The following CREM variants were observed in gnomAD, a reference collection of about 807,000 sequenced individuals.
CREM encodes cAMP responsive element modulator.
CREM carries 13 observed loss-of-function variants against 37.3 expected under a neutral mutation model. That is an observed-to-expected ratio of 0.35 (90% CI 0.23 to 0.55). The LOEUF (loss-of-function observed/expected upper bound fraction) is 0.55, where lower values mean the gene tolerates loss of function less well. Among genes scored for constraint, CREM ranks in the 20% least tolerant of loss-of-function variants. The pLI, the probability that CREM is intolerant of heterozygous loss-of-function variation, is 0.88. For missense variants in CREM, 296 were observed against 362.3 expected (o/e 0.82, Z 1.49); for synonymous variants, 124 against 120.2 (o/e 1.03, Z -0.21).
intron 1 of CREM, among the ~76,000 whole-genome samples, chr10:35,131,931 A>G (rs533567668): frequency 6.6e-6 from 1 of 152,146 alleles, no homozygotes; most frequent in African/African-American, 2.4e-5. Flanking sequence ...TTGGTTTCAC[A>G]TTGGCCGGGT....
Position 35,188,214 on chromosome 10 carries a change from G to A in CREM, c.424G>A (p.Gly142Ser). 6.2e-7 allele frequency: 1 copy of A among 1,613,220 alleles called. No homozygotes were observed. Among genetic ancestry groups the A allele is most frequent in the Non-Finnish European group, 8.5e-7 (1 of 1,179,798 alleles). The change falls in exon 6 of 8, where the codon GGT (glycine) becomes AGT (serine). Residue 142 changes from glycine (G) to serine (S), a missense_variant. Transcript: ENST00000685392. ...STGQYIAIAQ[G>S]GTIQISNPGS... ...TTTCTGTTAAGTTGCTATAGCCCAA[G>A]GTGGAACAATCCAGATTTCTAACCC...
At chr10:35,148,862 C>T (rs774798474) in intron 3 of CREM, among the ~76,000 whole-genome samples, 5 of 152,156 alleles carry the variant, frequency 3.3e-5, no homozygotes, top group Non-Finnish European at 5.9e-5. Context: ...TTAATCATTA[C>T]TTTCTTTTCA....
chr10:35,191,109 A>ATTTATTT (rs1564936841), intron 6 of CREM, among the ~76,000 whole-genome samples: 1 of 12,076 alleles, frequency 8.3e-5, no homozygotes, highest in African/African-American at 2.9e-4. Flanking sequence ...TTTATTTATT[A>ATTTATTT]TACTTTAAGT....
At chr10:35,194,834 G>A (rs1244035500) in intron 6 of CREM, among the ~76,000 whole-genome samples, 1 of 150,328 alleles carries the variant, frequency 6.7e-6, no homozygotes, top group Non-Finnish European at 1.5e-5. Context: ...TAGAAGCCTT[G>A]GACACAACAA....
At chr10:35,133,389 C>G (rs1264183512) in intron 1 of CREM, among the ~76,000 whole-genome samples, 1 of 151,182 alleles carries the variant, frequency 6.6e-6, no homozygotes, top group Non-Finnish European at 1.5e-5. Flanking sequence ...CTCACTGCAG[C>G]CTTCGCCTCC....
intron 3 of CREM, chr10:35,167,554 C>T: frequency 1.6e-6 from 1 of 629,236 alleles, no homozygotes; most frequent in Non-Finnish European, 2.8e-6. Flanking sequence ...CGGGTCAGAG[C>T]TAGTCCACTA....
At chr10:35,186,741 G>A (rs1413608962) in intron 5 of CREM, among the ~76,000 whole-genome samples, 11 of 129,544 alleles carry the variant, frequency 8.5e-5, no homozygotes, top group African/African-American at 2.6e-4. Context: ...ATTATATATA[G>A]TTATAATTAT....
intron 7 of CREM, 136 bp downstream of exon 7, chr10:35,207,187 T>G: frequency 1.2e-6 from 1 of 830,740 alleles, no homozygotes; most frequent in South Asian, 1.9e-5. Flanking sequence ...GGTCAGGAGA[T>G]CAAGACCATC....
At chr10:35,159,760 T>TA (rs1396413153) in intron 3 of CREM, among the ~76,000 whole-genome samples, 1 of 152,106 alleles carries the variant, frequency 6.6e-6, no homozygotes, top group Non-Finnish European at 1.5e-5. Context: ...AAAGGAAACA[T>TA]TCCACAGGGT....
intron 6 of CREM, among the ~76,000 whole-genome samples, chr10:35,204,596 CAAAAAA>C (rs397845623): frequency 3.4e-5 from 3 of 89,508 alleles, no homozygotes; most frequent in Non-Finnish European, 2.2e-5. Context: ...AACTACGTCT[CAAAAAA>C]AAAAAAAAAA....
chr10:35,207,962 T>G (rs935034334), intron 7 of CREM, among the ~76,000 whole-genome samples: 10 of 152,170 alleles, frequency 6.6e-5, no homozygotes, highest in Admixed American at 1.3e-4. Context: ...ATACAGTAAT[T>G]TTTAAAAATA....
At chr10:35,136,021 T>G (rs2090449466) in intron 1 of CREM, among the ~76,000 whole-genome samples, 1 of 152,156 alleles carries the variant, frequency 6.6e-6, no homozygotes, top group Admixed American at 6.6e-5. Context: ...TTGTCATTAT[T>G]CGGGTATGAG....
chr10:35,132,550 A>G (rs1190414718), intron 1 of CREM, among the ~76,000 whole-genome samples: 6 of 152,240 alleles, frequency 3.9e-5, no homozygotes, highest in Non-Finnish European at 8.8e-5. Context: ...TGTTTGAAAT[A>G]TTAAAGACAT....
intron 6 of CREM, among the ~76,000 whole-genome samples, chr10:35,192,091 C>T (rs1030504878): frequency 6.6e-6 from 1 of 152,228 alleles, no homozygotes; most frequent in African/African-American, 2.4e-5. Context: ...TGCTATCCCT[C>T]TGACCCAGGC....
intron 4 of CREM, 63 bp from the exon 5 acceptor site, chr10:35,179,071 G>T (rs1221375760): frequency 1.3e-6 from 2 of 1,540,498 alleles, no homozygotes; most frequent in Non-Finnish European, 1.8e-6. Context: ...TTCCTTTATA[G>T]CTTTTCTGTT....
At chr10:35,191,433 CTCTTTTTT>C (rs1313942625) in intron 6 of CREM, among the ~76,000 whole-genome samples, 1 of 151,660 alleles carries the variant, frequency 6.6e-6, no homozygotes, top group Admixed American at 6.6e-5. Context: ...TTTTCTTTTT[CTCTTTTTT>C]TCTTTTCCTT....
chr10:35,205,132 G>A (rs934113792), intron 6 of CREM, among the ~76,000 whole-genome samples: 4 of 152,188 alleles, frequency 2.6e-5, no homozygotes, highest in African/African-American at 7.2e-5. Context: ...ATGTTGAAGC[G>A]TTGGTGGTAG....
intron 3 of CREM, among the ~76,000 whole-genome samples, chr10:35,172,339 G>T (rs1448545245): frequency 6.6e-6 from 1 of 152,050 alleles, no homozygotes; most frequent in Non-Finnish European, 1.5e-5. Context: ...TCAAAGTGTG[G>T]TGTGCAGAAC....
chr10:35,196,864 A>ATTT (rs1564957666), intron 6 of CREM, among the ~76,000 whole-genome samples: 2 of 108,924 alleles, frequency 1.8e-5, no homozygotes, highest in African/African-American at 6.7e-5. Flanking sequence ...AACGCTGTGT[A>ATTT]CTTTTTTTTT....
Sources: gnomAD v4.1 joint callset for allele counts (sites outside exome capture counted in the v4.1 genomes callset) on GRCh38, gnomAD v4.1.1 for gene constraint, MANE v1.5 for transcripts, NCBI Gene and HGNC (gene_info 2026-07-23, HGNC 2026-07-21) for gene names.